SV2C: variants seen among roughly 807,000 people sequenced by gnomAD.
SV2C encodes synaptic vesicle glycoprotein 2C.
Under a neutral mutation model 79.7 loss-of-function variants are expected in SV2C, and 49 were observed. The ratio of observed to expected loss-of-function variants is 0.61; its 90% CI spans 0.49 to 0.78. SV2C has a LOEUF of 0.78. Among genes scored for constraint, SV2C ranks in the 30% least tolerant of loss-of-function variants. SV2C has a pLI of 0.00. For missense variants in SV2C, 833 were observed against 912.9 expected, an observed-to-expected ratio of 0.91 and a Z score of 1.13; for synonymous variants, 334 against 333.2, an observed-to-expected ratio of 1.00 and a Z score of -0.03.
the SV2C span, among the ~76,000 whole-genome samples, chr5:75,888,123 A>G: frequency 1.3e-5 from 2 of 152,126 alleles, no homozygotes; most frequent in African/African-American, 4.8e-5. Flanking sequence ...GAAAATTTTA[A>G]AAGTAACATT....
At chr5:76,087,528 A>G (rs1747238990) in intron 1 of SV2C, among the ~76,000 whole-genome samples, 1 of 152,152 alleles carries the variant, frequency 6.6e-6, no homozygotes, top group South Asian at 2.1e-4. Flanking sequence ...CGATTCTCAA[A>G]TAGTTGTGTA....
At chr5:76,284,327 T>C (rs1203310125) in intron 4 of SV2C, among the ~76,000 whole-genome samples, 2 of 152,122 alleles carry the variant, frequency 1.3e-5, no homozygotes, top group Non-Finnish European at 2.9e-5. Context: ...TATTTAGAAA[T>C]GTAAAATTCT....
At chr5:76,208,784 CT>C (rs1268137632) in intron 3 of SV2C, among the ~76,000 whole-genome samples, 3 of 152,256 alleles carry the variant, frequency 2.0e-5, no homozygotes, top group Admixed American at 2.0e-4. Flanking sequence ...TGTTGTGTGT[CT>C]TTTTAAACAA....
chr5:75,931,797 A>G, the SV2C span, among the ~76,000 whole-genome samples: 1 of 152,174 alleles, frequency 6.6e-6, no homozygotes, highest in Non-Finnish European at 1.5e-5. Context: ...TTTCTCTCAT[A>G]ACGTGTTATG....
chr5:76,050,953 G>A, the SV2C span, among the ~76,000 whole-genome samples: 1 of 152,076 alleles, frequency 6.6e-6, no homozygotes, highest in African/African-American at 2.4e-5. Flanking sequence ...TGATAAGCAA[G>A]CCAGATTAAA....
intron 1 of SV2C, among the ~76,000 whole-genome samples, chr5:76,127,790 G>A (rs889188): frequency 0.058 from 8,860 of 152,212 alleles, 852 homozygotes; most frequent in African/African-American, 0.2. Flanking sequence ...GTTGGCATGG[G>A]GTTATGAAAG....
intron 12 of SV2C, among the ~76,000 whole-genome samples, chr5:76,302,294 G>A (rs1240330885): frequency 6.6e-6 from 1 of 152,066 alleles, no homozygotes; most frequent in Non-Finnish European, 1.5e-5. Context: ...TGACCTTCCT[G>A]GTTTGTTGGA....
At chr5:76,111,590 C>T (rs1381021609) in intron 1 of SV2C, among the ~76,000 whole-genome samples, 3 of 152,112 alleles carry the variant, frequency 2.0e-5, no homozygotes, top group Non-Finnish European at 4.4e-5. Context: ...CAAAGGCAGG[C>T]GTCTTTCTCC....
chr5:76,030,289 T>TTTTTTTTTTTTTTTTTTTTATTTA, the SV2C span, among the ~76,000 whole-genome samples: 1 of 117,874 alleles, frequency 8.5e-6, no homozygotes, highest in African/African-American at 3.9e-5. Context: ...TTTTTTTTTT[T>TTTTTTTTTTTTTTTTTTTTATTTA]TTTATTTATT....
At chr5:75,863,999 CTT>C in the SV2C span, among the ~76,000 whole-genome samples, 12 of 152,270 alleles carry the variant, frequency 7.9e-5, no homozygotes, top group African/African-American at 2.9e-4. Flanking sequence ...AGCCCTGTAA[CTT>C]TGAATCTCTC....
chr5:75,893,427 A>G, the SV2C span, among the ~76,000 whole-genome samples: 2 of 152,156 alleles, frequency 1.3e-5, no homozygotes, highest in African/African-American at 4.8e-5. Context: ...AAAAAAGAAC[A>G]GAATCATGTC....
At chr5:76,296,077 A>T in intron 9 of SV2C, 135 bp downstream of exon 9, 1 of 787,084 alleles carries the variant, frequency 1.3e-6, no homozygotes, top group Non-Finnish European at 1.9e-6. Flanking sequence ...TTTCATGATG[A>T]ATTTCAATAC....
the SV2C span, among the ~76,000 whole-genome samples, chr5:75,971,344 G>A: frequency 6.6e-6 from 1 of 152,002 alleles, no homozygotes; most frequent in Admixed American, 6.6e-5. Context: ...GCAGGAGAAG[G>A]AAATAAAGGG....
chr5:76,349,172 T>C (rs1447775839), intron 12 of SV2C, among the ~76,000 whole-genome samples: 2 of 152,172 alleles, frequency 1.3e-5, no homozygotes, highest in Non-Finnish European at 2.9e-5. Flanking sequence ...TGAGTTAATG[T>C]AAAGTATTTA....
chr5:76,174,332 A>G, intron 2 of SV2C: 2 of 727,360 alleles, frequency 2.7e-6, no homozygotes, highest in East Asian at 2.7e-5. Context: ...GCTGGTTTAC[A>G]CGCCTGAATC....
At chr5:76,041,868 C>T in the SV2C span, among the ~76,000 whole-genome samples, 1 of 152,162 alleles carries the variant, frequency 6.6e-6, no homozygotes, top group Non-Finnish European at 1.5e-5. Context: ...TAAAGCTGCA[C>T]CACAGGACTT....
intron 2 of SV2C, among the ~76,000 whole-genome samples, chr5:76,188,944 T>A (rs1437052664): frequency 6.6e-6 from 1 of 151,342 alleles, no homozygotes; most frequent in South Asian, 2.1e-4. Context: ...TGTGAAAGCT[T>A]ACACCTCAGT....
At position 76,144,825 on chromosome 5, in the gene SV2C, G is replaced by GTT. The variant is rs34762528; in HGVS notation, c.580+12503_580+12504dup. Among the ~76,000 whole-genome samples, 105 of 151,668 alleles carry GTT rather than the reference G, an allele frequency of 6.9e-4. 2 individuals are homozygous for GTT. Among genetic ancestry groups the GTT allele is most frequent in the Admixed American group, 4.3e-3 (65 of 15,262 alleles). ...TTAAGTACAGTCAGATTGATAGGAG[G>GTT]TTTTTTTTTGTTTTTTGTTTTTTTA... On this transcript the variant is annotated intron_variant, in intron 2 of 12. Coordinates refer to ENST00000502798, the MANE Select transcript of SV2C (RefSeq NM_014979.4).
chr5:76,021,736 T>C, the SV2C span, among the ~76,000 whole-genome samples: 1 of 152,224 alleles, frequency 6.6e-6, no homozygotes, highest in East Asian at 1.9e-4. Flanking sequence ...ACATTTTTGC[T>C]GGTGATTCAT....
Sources: allele counts gnomAD v4.1 joint callset (sites outside exome capture counted in the v4.1 genomes callset), GRCh38; gene constraint gnomAD v4.1.1; transcripts MANE v1.5; gene names NCBI Gene and HGNC (gene_info 2026-07-23, HGNC 2026-07-21).